KCNMA1: variants seen among roughly 807,000 people sequenced by gnomAD.
The protein encoded by KCNMA1 is potassium calcium-activated channel subfamily M alpha 1.
Under a neutral mutation model 140.0 loss-of-function variants are expected in KCNMA1, and 29 were observed. The ratio of observed to expected loss-of-function variants is 0.21; its 90% CI spans 0.15 to 0.28. The LOEUF (loss-of-function observed/expected upper bound fraction) is 0.28. Among genes scored for constraint, KCNMA1 ranks in the 10% least tolerant of loss-of-function variants. The pLI is 1.00. For missense variants in KCNMA1, 880 were observed against 1,602.2 expected (o/e 0.55, Z 7.70); for synonymous variants, 612 against 611.9 (o/e 1.00, Z 0.00).
rs145947441 is a variant in KCNMA1 at position 77,223,969 on chromosome 10, G to A, written c.602+27226C>T. On this transcript the variant is annotated intron_variant, in intron 3 of 27. Coordinates refer to ENST00000286628, the MANE Select transcript of KCNMA1 (RefSeq NM_001161352.2). The stretch of plus-strand genomic sequence containing the variant: ...TCCAGCATGGACCCAGCAGCTACAG[G>A]AGGGCTCAGATTGCTTGCTCTGCCA... Among the ~76,000 whole-genome samples the A allele has an allele frequency of 1.2e-3, 189 of 152,298 alleles. 1 individual carries two copies. The highest frequency in any genetic ancestry group is 4.1e-3 in the African/African-American group (170 of 41,568).
intron 1 of KCNMA1, among the ~76,000 whole-genome samples, chr10:77,630,591 C>G (rs796868527): frequency 6.6e-5 from 10 of 152,168 alleles, no homozygotes; most frequent in African/African-American, 2.4e-4. Context: ...ATCCCTTCCC[C>G]CTTCAAGAGC....
intron 5 of KCNMA1, among the ~76,000 whole-genome samples, chr10:77,153,936 G>GA (rs1052473116): frequency 2.6e-5 from 4 of 152,140 alleles, no homozygotes; most frequent in African/African-American, 4.8e-5. Flanking sequence ...TGTAAAATGA[G>GA]AAAATGTCTG....
intron 26 of KCNMA1, 47 bp downstream of exon 26, chr10:76,891,478 C>G (rs1483384090): frequency 9.9e-6 from 15 of 1,513,164 alleles, no homozygotes; most frequent in Admixed American, 1.7e-5. Flanking sequence ...CAGGATCAAG[C>G]TTTTCCCAAA....
At chr10:77,012,128 AATTAATGAAACACGCCAGC>A in intron 17 of KCNMA1, 85 bp from the exon 18 acceptor site, 1 of 1,606,542 alleles carries the variant, frequency 6.2e-7, no homozygotes, top group South Asian at 1.1e-5. Flanking sequence ...GGTGGTGCCA[AATTAATGAAACACGCCAGC>A]ATTAATTTCC....
At chr10:77,610,256 T>C (rs1353876544) in intron 1 of KCNMA1, among the ~76,000 whole-genome samples, 2 of 152,218 alleles carry the variant, frequency 1.3e-5, no homozygotes, top group East Asian at 3.8e-4. Flanking sequence ...ATCTCATTCA[T>C]TGATTTACTG....
At chr10:77,632,596 G>C (rs2093334319) in intron 1 of KCNMA1, among the ~76,000 whole-genome samples, 1 of 152,152 alleles carries the variant, frequency 6.6e-6, no homozygotes, top group Non-Finnish European at 1.5e-5. Context: ...CCTTGCAACA[G>C]CCAAGAGCCA....
chr10:76,940,911 A>T (rs1460661290), intron 23 of KCNMA1, among the ~76,000 whole-genome samples: 1 of 150,390 alleles, frequency 6.6e-6, no homozygotes, highest in Admixed American at 6.7e-5. Context: ...CAGTGAGCTG[A>T]TATCACACCA....
At chr10:77,027,949 A>T in intron 15 of KCNMA1, 58 bp from the exon 16 acceptor site, 1 of 1,394,500 alleles carries the variant, frequency 7.2e-7, no homozygotes, top group East Asian at 2.3e-5. Context: ...GAGCCACATA[A>T]CACACACTAT....
At chr10:76,934,697 CT>C (rs1383703693) in intron 23 of KCNMA1, among the ~76,000 whole-genome samples, 1 of 152,118 alleles carries the variant, frequency 6.6e-6, no homozygotes, top group African/African-American at 2.4e-5. Context: ...GGTAGTTGAC[CT>C]ATCCTTATCC....
chr10:76,974,877 G>A (rs757871402), intron 19 of KCNMA1, among the ~76,000 whole-genome samples: 7 of 152,084 alleles, frequency 4.6e-5, no homozygotes, highest in East Asian at 1.9e-4. Flanking sequence ...TACAGACACC[G>A]AAAACTCAGT....
intron 1 of KCNMA1, among the ~76,000 whole-genome samples, chr10:77,561,962 T>G (rs1422911639): frequency 6.6e-6 from 1 of 152,180 alleles, no homozygotes; most frequent in Non-Finnish European, 1.5e-5. Flanking sequence ...TTGAGCCATA[T>G]AGAATTCAAC....
intron 2 of KCNMA1, among the ~76,000 whole-genome samples, chr10:77,264,207 T>G (rs1213636307): frequency 6.6e-6 from 1 of 152,080 alleles, no homozygotes; most frequent in Non-Finnish European, 1.5e-5. Flanking sequence ...CTCACCATTC[T>G]CCCTCTCACC....
rs115975035 is a variant in KCNMA1, at chr10:77,095,684, C to A, written c.1224-5174G>T. On this transcript the variant is annotated intron_variant, in intron 9 of 27. Transcript: ENST00000286628. ...ATATACATGGGTGTGCTTCTCCTGC[C>A]ATTTAAGCATCGCTGCCTCCAGAAT... 2.8e-3 allele frequency among the ~76,000 whole-genome samples: 428 copies of A among 152,278 alleles called. 3 individuals carry two copies. Among genetic ancestry groups the A allele is most frequent in the African/African-American group, 0.01 (418 of 41,558 alleles).
chr10:77,171,984 G>A (rs1360113019), intron 5 of KCNMA1, among the ~76,000 whole-genome samples: 1 of 152,114 alleles, frequency 6.6e-6, no homozygotes, highest in East Asian at 1.9e-4. Context: ...CAAGATCTAT[G>A]TTTTCCCCAT....
chr10:76,958,702 G>A (rs773348049), intron 20 of KCNMA1, among the ~76,000 whole-genome samples: 89 of 152,146 alleles, frequency 5.8e-4, no homozygotes, highest in Non-Finnish European at 1.1e-3. Context: ...GGAAAAGACA[G>A]AGATCTGCAA....
At chr10:77,194,566 G>A (rs916513395) in intron 3 of KCNMA1, among the ~76,000 whole-genome samples, 7 of 152,084 alleles carry the variant, frequency 4.6e-5, no homozygotes, top group African/African-American at 1.4e-4. Context: ...CTATTGAATC[G>A]ACAGCTAGAA....
At chr10:76,998,549 T>C (rs1309551932) in intron 19 of KCNMA1, among the ~76,000 whole-genome samples, 5 of 152,174 alleles carry the variant, frequency 3.3e-5, no homozygotes, top group African/African-American at 4.8e-5. Context: ...TTCAAAATGA[T>C]TTTCAGAACA....
chr10:77,593,180 C>T (rs1057277883), intron 1 of KCNMA1, among the ~76,000 whole-genome samples: 3 of 152,106 alleles, frequency 2.0e-5, no homozygotes, highest in Admixed American at 6.6e-5. Context: ...TAAGGATCAA[C>T]GTCCCACCCA....
chr10:77,403,820 G>A lies in KCNMA1; in HGVS notation c.540+42C>T, dbSNP rs976003600. On this transcript the variant is annotated intron_variant, in intron 2 of 27. Transcript: ENST00000286628. ...TCATAAGCAAAGCCACCTTGGCCCAGACAGCAAGGCCTCCTGGTGTGAGAA... is the reference window on the plus strand; with the variant it reads ...TCATAAGCAAAGCCACCTTGGCCCAAACAGCAAGGCCTCCTGGTGTGAGAA... 4.4e-6 allele frequency: 7 copies of A among 1,586,346 alleles called. No homozygotes were observed. The Admixed American group carries it at 1.0e-4, about 23-fold the overall frequency.
Sources: allele counts gnomAD v4.1 joint callset (sites outside exome capture counted in the v4.1 genomes callset), GRCh38; gene constraint gnomAD v4.1.1; transcripts MANE v1.5; gene names NCBI Gene and HGNC (gene_info 2026-07-23, HGNC 2026-07-21).